EFR3B: variants seen among roughly 807,000 people sequenced by gnomAD.
EFR3B encodes protein EFR3 homolog B.
A neutral mutation model predicts 104.7 loss-of-function variants in EFR3B; 64 were observed. That is an observed-to-expected ratio of 0.61 (90% CI 0.50 to 0.75). The LOEUF (loss-of-function observed/expected upper bound fraction) is 0.75. Among genes scored for constraint, EFR3B ranks in the 30% least tolerant of loss-of-function variants. EFR3B has a pLI of 0.00. For missense variants in EFR3B, 750 were observed against 1,078.5 expected (o/e 0.70, Z 4.27); for synonymous variants, 385 against 417.9 (o/e 0.92, Z 0.96).
At position 25,135,571 on chromosome 2, in the gene EFR3B, C is replaced by T; in HGVS notation, c.1416C>T (p.Leu472=). The T allele has an allele frequency of 1.9e-6, 3 of 1,552,024 alleles. No homozygotes were observed. Among genetic ancestry groups the T allele is most frequent in the Middle Eastern group, 1.7e-4 (1 of 5,994 alleles). Residue 472 remains leucine, a synonymous_variant, in exon 13 of 23, where the codon CTC becomes CTT. Coordinates refer to ENST00000403714, the MANE Select transcript of EFR3B (RefSeq NM_014971.2). Reference sequence around the variant, plus strand: ...TCATGGAGGATGCAGAAATTCGACTCTTTGTTCTAGAGATTCTCATCAGTT... The same window carrying T: ...TCATGGAGGATGCAGAAATTCGACTTTTTGTTCTAGAGATTCTCATCAGTT... ...TALMEDAEIR[L]FVLEILISFI...
At chr2:25,106,215 A>AG (rs758987584) in intron 4 of EFR3B, among the ~76,000 whole-genome samples, 8 of 151,884 alleles carry the variant, frequency 5.3e-5, no homozygotes, top group Non-Finnish European at 1.2e-4. Context: ...GGGCTTTGTG[A>AG]GGGGAAAGGG....
At chr2:25,129,908 C>T (rs540001159) in intron 6 of EFR3B, 67 bp from the exon 7 acceptor site, 43 of 1,516,820 alleles carry the variant, frequency 2.8e-5, no homozygotes, top group Admixed American at 1.1e-4. Flanking sequence ...CACGGAAAGC[C>T]GGGATTGTAC....
chr2:25,078,542 C>A (rs541766024), intron 1 of EFR3B, among the ~76,000 whole-genome samples: 12 of 152,284 alleles, frequency 7.9e-5, no homozygotes, highest in African/African-American at 2.9e-4. Flanking sequence ...CCCTGAGTCT[C>A]ACGCTGTTCA....
intron 3 of EFR3B, among the ~76,000 whole-genome samples, chr2:25,094,504 A>T (rs7573740): frequency 0.14 from 21,225 of 152,060 alleles, 3,128 homozygotes; most frequent in African/African-American, 0.36. Context: ...CACACGTGGG[A>T]TGACACTCAA....
chr2:25,057,085 A>G (rs1668041696), intron 1 of EFR3B, among the ~76,000 whole-genome samples: 1 of 152,202 alleles, frequency 6.6e-6, no homozygotes, highest in African/African-American at 2.4e-5. Flanking sequence ...AGAAGATCCC[A>G]GAGGGAATGT....
In EFR3B at chr2:25,131,829, C is replaced by A; in HGVS notation, c.1065C>A (p.Tyr355Ter). ...TCGACTACGCGCTGACCGGGAGCTA[C>A]GACGGGGCGGTCAGCCTCGGCACCA... The part of the protein sequence containing the change: ...LSIDYALTGS[Y>*]DGAVSLGTKI... Residue 355 changes from tyrosine to a stop codon, truncating the protein, a stop_gained, in exon 10 of 23, where the codon TAC becomes TAA. Coordinates refer to ENST00000403714, the MANE Select transcript of EFR3B (RefSeq NM_014971.2). LOFTEE classifies it high-confidence loss of function. This position sits in a 1 kb window ranked among gnomAD's most constrained non-coding sequence, Gnocchi z 7.6. 1.3e-6 allele frequency: 2 copies of A among 1,549,784 alleles called. No homozygotes were observed. The highest frequency in any genetic ancestry group is 1.7e-6 in the Non-Finnish European group (2 of 1,146,440).
At chr2:25,087,594 T>C (rs1234964032) in intron 1 of EFR3B, among the ~76,000 whole-genome samples, 1 of 151,860 alleles carries the variant, frequency 6.6e-6, no homozygotes, top group Admixed American at 6.6e-5. Context: ...TGCCTCAGCC[T>C]CCCAAGTAGC....
In EFR3B at chr2:25,131,786, G is replaced by C; in HGVS notation, c.1022G>C (p.Arg341Thr). The C allele has an allele frequency of 6.5e-7, 1 of 1,543,680 alleles. No homozygotes were observed. The highest frequency in any genetic ancestry group is 8.7e-7 in the Non-Finnish European group (1 of 1,143,468). The change falls in exon 10 of 23, where the codon AGG (arginine) becomes ACG (threonine). Residue 341 changes from arginine to threonine, a missense_variant. Transcript: ENST00000403714. The surrounding 1 kb of genome is among the most constrained non-coding windows in gnomAD (Gnocchi z 7.6). ...TVLEMFNTLL[R>T]QLRLSIDYAL... ...CTGGAGATGTTCAACACGCTGCTGA[G>C]GCAGCTGCGGCTCAGCATCGACTAC...
At chr2:25,098,390 C>A (rs1669340234) in intron 3 of EFR3B, among the ~76,000 whole-genome samples, 1 of 152,152 alleles carries the variant, frequency 6.6e-6, no homozygotes, top group African/African-American at 2.4e-5. Context: ...AGACTTTACT[C>A]CCCACTCCTC....
intron 1 of EFR3B, among the ~76,000 whole-genome samples, chr2:25,047,431 A>T (rs939295510): frequency 6.6e-6 from 1 of 152,134 alleles, no homozygotes; most frequent in African/African-American, 2.4e-5. Context: ...TTAGGATAAG[A>T]GAGCTGCCCC....
intron 1 of EFR3B, among the ~76,000 whole-genome samples, chr2:25,070,987 G>A (rs1668477661): frequency 6.6e-6 from 1 of 152,234 alleles, no homozygotes; most frequent in Non-Finnish European, 1.5e-5. Context: ...TTGAGACGGA[G>A]TCTCGCTCTG....
At chr2:25,143,142 G>C (rs1670720080) in intron 17 of EFR3B, among the ~76,000 whole-genome samples, 1 of 152,000 alleles carries the variant, frequency 6.6e-6, no homozygotes, top group Non-Finnish European at 1.5e-5. Context: ...TGTGAACCTG[G>C]GAGGTGGAGC....
chr2:25,088,183 C>T (rs1275371950), intron 1 of EFR3B, among the ~76,000 whole-genome samples: 1 of 152,124 alleles, frequency 6.6e-6, no homozygotes, highest in Non-Finnish European at 1.5e-5. Flanking sequence ...TGGATTCTCT[C>T]CAGCGTGCCT....
At position 25,131,629 on chromosome 2, in the gene EFR3B, G is replaced by T; in HGVS notation, c.986-121G>T. 1 of 1,495,234 alleles carries T rather than the reference G, an allele frequency of 6.7e-7. No individual in the cohort carries two copies. The highest frequency in any genetic ancestry group is 9.0e-7 in the Non-Finnish European group (1 of 1,116,220). 92.6% of individuals were successfully genotyped at this position (1,495,234 alleles called of 1,614,324 possible). On this transcript the variant is annotated intron_variant, in intron 9 of 22. Transcript: ENST00000403714. This position sits in a 1 kb window ranked among gnomAD's most constrained non-coding sequence, Gnocchi z 7.6. Reference sequence around the variant, plus strand: ...TTCCTCGGGAGAAGTCCGCCAGGAAGTTGGGAGCGCAGAGGAAGCCCAGGC... The same window carrying T: ...TTCCTCGGGAGAAGTCCGCCAGGAATTTGGGAGCGCAGAGGAAGCCCAGGC...
intron 19 of EFR3B, chr2:25,147,315 T>C (rs1670846111): frequency 6.6e-6 from 1 of 152,280 alleles, no homozygotes; most frequent in Non-Finnish European, 1.5e-5. Flanking sequence ...GTACAGAGGA[T>C]AAGTCCTCAG....
chr2:25,077,962 CT>C (rs1348720109), intron 1 of EFR3B, among the ~76,000 whole-genome samples: 3 of 152,186 alleles, frequency 2.0e-5, no homozygotes, highest in Admixed American at 6.5e-5. Flanking sequence ...GTCTCCACCC[CT>C]AGTGAGGCAG....
chr2:25,135,644 A>T lies in EFR3B; in HGVS notation c.1484+5A>T, dbSNP rs1558616608. 6.4e-7 allele frequency: 1 copy of T among 1,552,104 alleles called. No homozygotes were observed. Among genetic ancestry groups the T allele is most frequent in the Non-Finnish European group, 8.7e-7 (1 of 1,147,086 alleles). ...CCACAAGTTCTCTACCATCAGGTGA[A>T]CTTGGGGTGTCTCCTCCAGGCAATG... On this transcript the variant is annotated splice_donor_5th_base_variant and intron_variant, in intron 13 of 22. Coordinates refer to ENST00000403714, the MANE Select transcript of EFR3B (RefSeq NM_014971.2).
chr2:25,152,041 G>A, intron 21 of EFR3B, 21 bp downstream of exon 21: 1 of 1,550,104 alleles, frequency 6.5e-7, no homozygotes, highest in Non-Finnish European at 8.7e-7. Flanking sequence ...CATGACATGG[G>A]CGAGTCCCTG....
chr2:25,131,822 G>A lies in EFR3B; in HGVS notation c.1058G>A (p.Gly353Glu). 1 of 1,550,084 alleles carries A rather than the reference G, an allele frequency of 6.5e-7. No individual in the cohort carries two copies. The highest frequency in any genetic ancestry group is 8.7e-7 in the Non-Finnish European group (1 of 1,146,508). The change falls in exon 10 of 23, where the codon GGG becomes GAG. Residue 353 changes from glycine (G) to glutamate (E), a missense_variant. Physicochemically the swap from Gly to Glu is moderately conservative, Grantham distance 98. Transcript: ENST00000403714. The surrounding 1 kb of genome is among the most constrained non-coding windows in gnomAD (Gnocchi z 7.6). ...CTCAGCATCGACTACGCGCTGACCGGGAGCTACGACGGGGCGGTCAGCCTC... is the reference window on the plus strand; with the variant it reads ...CTCAGCATCGACTACGCGCTGACCGAGAGCTACGACGGGGCGGTCAGCCTC... ...LRLSIDYALT[G>E]SYDGAVSLGT...
Sources: gnomAD v4.1 joint callset for allele counts (sites outside exome capture counted in the v4.1 genomes callset) on GRCh38, gnomAD v4.1.1 for gene constraint, Gnocchi (gnomAD v3.1) non-coding constraint, MANE v1.5 for transcripts, NCBI Gene and HGNC (gene_info 2026-07-23, HGNC 2026-07-21) for gene names.